The following EBF3 variants were observed in gnomAD, a reference collection of about 807,000 sequenced individuals.
EBF3 encodes the protein transcription factor COE3.
Under a neutral mutation model 77.1 loss-of-function variants are expected in EBF3, and 18 were observed. That is an observed-to-expected ratio of 0.23 (90% CI 0.16 to 0.35). The LOEUF (loss-of-function observed/expected upper bound fraction) is 0.35, where lower values mean the gene tolerates loss of function less well. EBF3 is among the 10% of genes least tolerant of loss of function. The pLI, the probability that EBF3 is intolerant of heterozygous loss-of-function variation, is 1.00. For synonymous variants in EBF3, 350 were observed against 343.5 expected (o/e 1.02, Z -0.21); for missense variants, 558 against 860.0 (o/e 0.65, Z 4.39).
chr10:129,864,994 T>G lies in EBF3; in HGVS notation c.1039+2147A>C, dbSNP rs1851894957. Among the ~76,000 whole-genome samples, 1 of 152,186 alleles carries G rather than the reference T, an allele frequency of 6.6e-6. No homozygotes were observed. Among genetic ancestry groups the G allele is most frequent in the Admixed American group, 6.5e-5 (1 of 15,270 alleles). On this transcript the variant is annotated intron_variant, in intron 10 of 16. Coordinates refer to ENST00000440978, the MANE Select transcript of EBF3 (RefSeq NM_001375380.1). This position sits in a 1 kb window ranked among gnomAD's most constrained non-coding sequence, Gnocchi z 4.4. ...TTGCCAGATAGAGCAGAGGAGAAAT[T>G]GGGACCACAGGAGTAAGCATATGCC... is the stretch of plus-strand genomic sequence containing the variant.
At chr10:129,893,480 T>C (rs1250016195) in intron 6 of EBF3, among the ~76,000 whole-genome samples, 1 of 152,244 alleles carries the variant, frequency 6.6e-6, no homozygotes, top group Non-Finnish European at 1.5e-5. Flanking sequence ...AATAATCTTG[T>C]ATAATTAATG....
At chr10:129,838,314 C>T (rs944335843) in intron 16 of EBF3, among the ~76,000 whole-genome samples, 1 of 152,222 alleles carries the variant, frequency 6.6e-6, no homozygotes, top group Non-Finnish European at 1.5e-5. Flanking sequence ...AACGGAGGCC[C>T]GGAGCCCCCT....
chr10:129,952,464 G>A lies in EBF3; in HGVS notation c.554+4794C>T, dbSNP rs1858744087. 6.6e-6 allele frequency among the ~76,000 whole-genome samples: 1 copy of A among 152,158 alleles called. No individual in the cohort carries two copies. The highest frequency in any genetic ancestry group is 2.4e-5 in the African/African-American group (1 of 41,430). On this transcript the variant is annotated intron_variant, in intron 6 of 16. Transcript: ENST00000440978. This position sits in a 1 kb window ranked among gnomAD's most constrained non-coding sequence, Gnocchi z 4.7. ...CCAAAATGTAAATGACATTAAAGAAGACAATGAATTTAATTTTATTTAATG... is the reference window on the plus strand; with the variant it reads ...CCAAAATGTAAATGACATTAAAGAAAACAATGAATTTAATTTTATTTAATG...
rs11016990 is a variant in EBF3 at position 129,874,469 on chromosome 10, T to G, written c.637-873A>C. On this transcript the variant is annotated intron_variant, in intron 7 of 16. Coordinates refer to ENST00000440978, the MANE Select transcript of EBF3 (RefSeq NM_001375380.1). ...CACAAACATCCAGAAATGGCATCCC[T>G]GAATGGACCCAGGAACCAGGAAATG... 9.8e-5 allele frequency among the ~76,000 whole-genome samples: 15 copies of G among 152,308 alleles called. No individual in the cohort carries two copies. The South Asian group carries it at 2.7e-3, about 27-fold the overall frequency.
At chr10:129,906,918 G>T (rs1855187205) in intron 6 of EBF3, among the ~76,000 whole-genome samples, 1 of 152,038 alleles carries the variant, frequency 6.6e-6, no homozygotes, top group South Asian at 2.1e-4. Context: ...CACCAGCTGG[G>T]GTTGCCTCTC....
At chr10:129,874,207 G>T (rs566638588) in intron 7 of EBF3, among the ~76,000 whole-genome samples, 1 of 152,146 alleles carries the variant, frequency 6.6e-6, no homozygotes. Context: ...TCCTGGAAAG[G>T]TATTCTTTCT....
At chr10:129,858,315 T>C (rs955415353) in intron 10 of EBF3, among the ~76,000 whole-genome samples, 4 of 152,192 alleles carry the variant, frequency 2.6e-5, no homozygotes, top group African/African-American at 9.6e-5. Flanking sequence ...TTACAGTCTT[T>C]AGTTTGGGAC....
chr10:129,909,228 G>A (rs1172647624), intron 6 of EBF3, among the ~76,000 whole-genome samples: 1 of 152,208 alleles, frequency 6.6e-6, no homozygotes, highest in Non-Finnish European at 1.5e-5. Context: ...AGACATGGAG[G>A]GATAGGCCCT....
At chr10:129,878,839 A>AAAAAAG (rs1554904693) in intron 6 of EBF3, among the ~76,000 whole-genome samples, 2,532 of 146,878 alleles carry the variant, frequency 0.017, 81 homozygotes, top group Middle Eastern at 0.03. Flanking sequence ...AAAAAAAAAA[A>AAAAAAG]AAAAAAATCT....
In EBF3 at chr10:129,921,625, G is replaced by A. The variant is rs528120201; in HGVS notation, c.554+35633C>T. 3.7e-4 allele frequency among the ~76,000 whole-genome samples: 56 copies of A among 152,350 alleles called. 1 individual carries two copies. The highest frequency in any genetic ancestry group is 1.3e-3 in the African/African-American group (55 of 41,578). ...TTGCAGCCAGCCCACGGCAGCCTGA[G>A]TGACAGGCCTGGCTACCTCAACAGA... On this transcript the variant is annotated intron_variant, in intron 6 of 16. Coordinates refer to ENST00000440978, the MANE Select transcript of EBF3 (RefSeq NM_001375380.1).
chr10:129,963,887 C>A lies in EBF3; in HGVS notation c.-119G>T. On this transcript the variant is annotated 5_prime_UTR_variant, in exon 1 of 17. Coordinates refer to ENST00000440978, the MANE Select transcript of EBF3 (RefSeq NM_001375380.1). This position sits in a 1 kb window ranked among gnomAD's most constrained non-coding sequence, Gnocchi z 7.1. ...CCTCGCCCTGCTCGGCGCCTGCGGTCCGGCCCCGCCGCCGGCTTCAGCCCG... is the reference window on the plus strand; with the variant it reads ...CCTCGCCCTGCTCGGCGCCTGCGGTACGGCCCCGCCGCCGGCTTCAGCCCG... The A allele has an allele frequency of 8.5e-7, 1 of 1,174,624 alleles. No individual in the cohort carries two copies. Among genetic ancestry groups the A allele is most frequent in the South Asian group, 3.1e-5 (1 of 32,012 alleles). 72.8% of individuals were successfully genotyped at this position (1,174,624 alleles called of 1,614,324 possible).
chr10:129,926,682 T>C (rs578074767), intron 6 of EBF3, among the ~76,000 whole-genome samples: 3 of 151,528 alleles, frequency 2.0e-5, no homozygotes, highest in Non-Finnish European at 4.4e-5. Context: ...CCAAAAAAGG[T>C]GTGGAATAAA....
intron 8 of EBF3, 41 bp downstream of exon 8, chr10:129,873,411 G>A (rs771876843): frequency 8.8e-6 from 13 of 1,473,336 alleles, no homozygotes; most frequent in Non-Finnish European, 1.2e-5. Flanking sequence ...CAAAGAAAAA[G>A]AAGCATCGCA....
rs558082449 is a variant in EBF3, at chr10:129,837,115, T to C, written c.*828A>G. On this transcript the variant is annotated 3_prime_UTR_variant, in exon 17 of 17. Transcript: ENST00000440978. The stretch of plus-strand genomic sequence containing the variant: ...AGGACAATTTCTGGTACAAGAAACA[T>C]AGACCTCACAGTAGCCTAAGAATGC... 3.3e-5 allele frequency: 5 copies of C among 152,690 alleles called. No individual in the cohort carries two copies. The highest frequency in any genetic ancestry group is 3.4e-3 in the Middle Eastern group (1 of 294). The allele number at this position is 152,690 out of a possible 1,614,324, so 9.5% of individuals were successfully genotyped here.
chr10:129,939,794 T>A (rs1857603637), intron 6 of EBF3, among the ~76,000 whole-genome samples: 1 of 152,234 alleles, frequency 6.6e-6, no homozygotes, highest in African/African-American at 2.4e-5. Flanking sequence ...AATACCGGAC[T>A]TCGTCTTAAG....
chr10:129,926,634 G>A (rs1243097955), intron 6 of EBF3, among the ~76,000 whole-genome samples: 1 of 152,136 alleles, frequency 6.6e-6, no homozygotes, highest in Non-Finnish European at 1.5e-5. Flanking sequence ...GCACCCACTG[G>A]CACCTTCAAG....
intron 6 of EBF3, among the ~76,000 whole-genome samples, chr10:129,937,804 C>T (rs1319677975): frequency 2.6e-5 from 4 of 152,152 alleles, no homozygotes; most frequent in African/African-American, 7.2e-5. Flanking sequence ...AAGTCCTCTC[C>T]GAGCCACACT....
chr10:129,840,083 C>T (rs905463425), intron 15 of EBF3, among the ~76,000 whole-genome samples, 162 bp downstream of exon 15: 8 of 152,248 alleles, frequency 5.3e-5, no homozygotes, highest in Non-Finnish European at 1.0e-4. Flanking sequence ...CAGGGGTCCT[C>T]GCTGTGAACA....
intron 9 of EBF3, 37 bp from the exon 10 acceptor site, chr10:129,867,304 G>C (rs190039206): frequency 6.2e-7 from 1 of 1,611,012 alleles, no homozygotes; most frequent in African/African-American, 1.3e-5. Flanking sequence ...GCTCAGCGGC[G>C]CTGGCTATGA....
Sources: gnomAD v4.1 joint callset for allele counts (sites outside exome capture counted in the v4.1 genomes callset) on GRCh38, gnomAD v4.1.1 for gene constraint, Gnocchi (gnomAD v3.1) non-coding constraint, MANE v1.5 for transcripts, NCBI Gene and HGNC (gene_info 2026-07-23, HGNC 2026-07-21) for gene names.